The following RBM24 variants were observed in gnomAD, a reference collection of about 807,000 sequenced individuals.
RBM24 encodes the protein RNA binding motif protein 24.
In RBM24, 5 loss-of-function variants were observed where a neutral mutation model predicts 23.6. The observed-to-expected ratio is 0.21, with a 90% confidence interval of 0.11 to 0.45. The LOEUF is 0.45. RBM24 is among the 20% of genes least tolerant of loss of function. The pLI is 0.99. For missense variants in RBM24, 252 were observed against 314.6 expected (o/e 0.80, Z 1.51); for synonymous variants, 151 against 129.5 (o/e 1.17, Z -1.13).
At chr6:17,282,475 A>G in intron 1 of RBM24, 1 of 474,262 alleles carries the variant, frequency 2.1e-6, no homozygotes, top group African/African-American at 2.0e-5. Context: ...GATTCGGGGG[A>G]AGGAGGATCT....
intron 1 of RBM24, chr6:17,282,587 T>A (rs1450153508): frequency 1.7e-6 from 1 of 604,672 alleles, no homozygotes; most frequent in Non-Finnish European, 2.8e-6. Flanking sequence ...AGGGTTTCTT[T>A]CTTTTTTCCT....
intron 3 of RBM24, chr6:17,290,899 G>A: frequency 7.8e-7 from 1 of 1,287,370 alleles, no homozygotes; most frequent in Non-Finnish European, 1.0e-6. Context: ...AACAGGTTTG[G>A]TTGACCGTTG....
chr6:17,292,882 C>T lies in RBM24; in HGVS notation c.*763C>T, dbSNP rs1262703239. The T allele has an allele frequency of 2.0e-5, 3 of 152,512 alleles. No homozygotes were observed. Among genetic ancestry groups the T allele is most frequent in the South Asian group, 4.1e-4 (2 of 4,828 alleles). 9.4% of individuals were successfully genotyped at this position (152,512 alleles called of 1,614,324 possible). A position where few individuals can be genotyped will look rare whatever the true frequency, so the allele number is the denominator to read the frequency against. On this transcript the variant is annotated 3_prime_UTR_variant, in exon 4 of 4. Coordinates refer to ENST00000379052, the MANE Select transcript of RBM24 (RefSeq NM_001143942.2). Reference sequence around the variant, plus strand: ...GCTTGTCACATTCTAATCCCTCTCCCCATCCTGTTTCAATTTTGGGAAACT... The same window carrying T: ...GCTTGTCACATTCTAATCCCTCTCCTCATCCTGTTTCAATTTTGGGAAACT...
rs753859393 is a variant in RBM24 at position 17,292,109 on chromosome 6, G to A, written c.701G>A (p.Arg234Gln). Residue 234 changes from arginine to glutamine, a missense_variant, in exon 4 of 4, where the codon CGA becomes CAA. Coordinates refer to ENST00000379052, the MANE Select transcript of RBM24 (RefSeq NM_001143942.2). ...QYQPQQLQTDRMQ is the reference protein window; with the variant it reads ...QYQPQQLQTDQMQ Reference sequence around the variant, plus strand: ...CAGCCTCAGCAGCTGCAGACAGACCGAATGCAATAGACCAGCCATCTGATC... The same window carrying A: ...CAGCCTCAGCAGCTGCAGACAGACCAAATGCAATAGACCAGCCATCTGATC... 7.2e-6 allele frequency: 11 copies of A among 1,528,632 alleles called. No homozygotes were observed. The highest frequency in any genetic ancestry group is 2.8e-5 in the African/African-American group (2 of 72,366). The allele number at this position is 1,528,632 out of a possible 1,614,324, so 94.7% of individuals were successfully genotyped here. A position where few individuals can be genotyped will look rare whatever the true frequency, so the allele number is the denominator to read the frequency against.
Position 17,288,352 on chromosome 6 carries a change from C to G in RBM24, c.348-3404C>G. 3 of 985,348 alleles carry G rather than the reference C, an allele frequency of 3.0e-6. No individual in the cohort carries two copies. The South Asian group carries it at 1.4e-4, about 46-fold the overall frequency. 61.0% of individuals were successfully genotyped at this position (985,348 alleles called of 1,614,324 possible). On this transcript the variant is annotated intron_variant, in intron 3 of 3. Coordinates refer to ENST00000379052, the MANE Select transcript of RBM24 (RefSeq NM_001143942.2). ...ACAATGAGTGGGATTCAGAAGTCTT[C>G]GTGAAGGAAGTAGAAGTTGACCTAG...
chr6:17,284,592 T>G, intron 2 of RBM24, 65 bp from the exon 3 acceptor site: 1 of 1,234,518 alleles, frequency 8.1e-7, no homozygotes, highest in Non-Finnish European at 1.2e-6. Flanking sequence ...GATTGCATTT[T>G]ACATGTAGGA....
chr6:17,282,609 C>G (rs1760059913), intron 1 of RBM24, 196 bp from the exon 2 acceptor site: 7 of 2,600 alleles, frequency 2.7e-3, no homozygotes, highest in Non-Finnish European at 9.4e-3. Flanking sequence ...CGTCTACCCG[C>G]CCCCCCCCCC....
In RBM24 at chr6:17,292,237, C is replaced by A; in HGVS notation, c.*118C>A. The stretch of plus-strand genomic sequence containing the variant: ...AGCTTTAAAAAAAAAAACAGCCATG[C>A]TATTGTGAAGCAGAGTTATTATTTT... On this transcript the variant is annotated 3_prime_UTR_variant, in exon 4 of 4. Transcript: ENST00000379052. 3 of 973,046 alleles carry A rather than the reference C, an allele frequency of 3.1e-6. No homozygotes were observed. Among genetic ancestry groups the A allele is most frequent in the Non-Finnish European group, 4.4e-6 (3 of 687,382 alleles). 60.3% of individuals were successfully genotyped at this position (973,046 alleles called of 1,614,324 possible).
intron 3 of RBM24, among the ~76,000 whole-genome samples, chr6:17,287,379 A>G (rs765513271): frequency 6.6e-6 from 1 of 152,220 alleles, no homozygotes; most frequent in Admixed American, 6.5e-5. Flanking sequence ...GGAATTTCTG[A>G]TGTAGCACAG....
chr6:17,285,198 GT>G (rs777152569), intron 3 of RBM24: 2 of 152,344 alleles, frequency 1.3e-5, no homozygotes, highest in Non-Finnish European at 2.9e-5. Context: ...TGGTGTTGTT[GT>G]TTTTATTTTT....
rs552369365 is a variant in RBM24 at position 17,292,217 on chromosome 6, TA to T, written c.*109del. 9.6e-3 allele frequency: 8,222 copies of T among 853,428 alleles called. No homozygotes were observed. Among genetic ancestry groups the T allele is most frequent in the South Asian group, 0.015 (489 of 32,726 alleles). 52.9% of individuals were successfully genotyped at this position (853,428 alleles called of 1,614,324 possible). Reference sequence around the variant, plus strand: ...AGAGTTAACATTGACTTAACAGCTTTAAAAAAAAAAACAGCCATGCTATTGT... The same window carrying T: ...AGAGTTAACATTGACTTAACAGCTTTAAAAAAAAAACAGCCATGCTATTGT... On this transcript the variant is annotated 3_prime_UTR_variant, in exon 4 of 4. Coordinates refer to ENST00000379052, the MANE Select transcript of RBM24 (RefSeq NM_001143942.2).
At chr6:17,288,733 G>T in intron 3 of RBM24, 1 of 976,352 alleles carries the variant, frequency 1.0e-6, no homozygotes, top group Non-Finnish European at 1.2e-6. Context: ...TGTGAAGCTT[G>T]TCCAGGAAAC....
Position 17,292,241 on chromosome 6 carries a change from T to C in RBM24, c.*122T>C. The C allele has an allele frequency of 1.1e-6, 1 of 951,912 alleles. No individual in the cohort carries two copies. Among genetic ancestry groups the C allele is most frequent in the Middle Eastern group, 2.3e-4 (1 of 4,380 alleles). 59.0% of individuals were successfully genotyped at this position (951,912 alleles called of 1,614,324 possible). A position where few individuals can be genotyped will look rare whatever the true frequency, so the allele number is the denominator to read the frequency against. On this transcript the variant is annotated 3_prime_UTR_variant, in exon 4 of 4. Transcript: ENST00000379052. The stretch of plus-strand genomic sequence containing the variant: ...TTAAAAAAAAAAACAGCCATGCTAT[T>C]GTGAAGCAGAGTTATTATTTTTTTT...
intron 2 of RBM24, among the ~76,000 whole-genome samples, chr6:17,283,432 T>TTTGAGATGGAGTTTCG (rs1760093274): frequency 6.6e-6 from 1 of 152,176 alleles, no homozygotes; most frequent in African/African-American, 2.4e-5. Flanking sequence ...TTTGTTTTTT[T>TTTGAGATGGAGTTTCG]TTGAGATGGA....
chr6:17,289,658 G>T (rs981774595), intron 3 of RBM24: 1 of 985,250 alleles, frequency 1.0e-6, no homozygotes, highest in African/African-American at 1.7e-5. Flanking sequence ...AGTACAAGGG[G>T]TTAAGGTTTC....
In RBM24 at chr6:17,281,558, C is replaced by A; in HGVS notation, c.-24C>A. On this transcript the variant is annotated 5_prime_UTR_variant, in exon 1 of 4. Coordinates refer to ENST00000379052, the MANE Select transcript of RBM24 (RefSeq NM_001143942.2). This position sits in a 1 kb window ranked among gnomAD's most constrained non-coding sequence, Gnocchi z 7.1. Reference sequence around the variant, plus strand: ...CCCGAGCCGCAGCCGCAGCCGGAGCCCGAGCCGCGGGGCGGGTGCGAAGAT... The same window carrying A: ...CCCGAGCCGCAGCCGCAGCCGGAGCACGAGCCGCGGGGCGGGTGCGAAGAT... 1 of 1,485,810 alleles carries A rather than the reference C, an allele frequency of 6.7e-7. No homozygotes were observed. The highest frequency in any genetic ancestry group is 8.9e-7 in the Non-Finnish European group (1 of 1,118,236). The allele number at this position is 1,485,810 out of a possible 1,614,324, so 92.0% of individuals were successfully genotyped here.
chr6:17,283,440 G>A (rs193129472), intron 2 of RBM24, among the ~76,000 whole-genome samples: 1 of 151,974 alleles, frequency 6.6e-6, no homozygotes, highest in African/African-American at 2.4e-5. Flanking sequence ...TTTTTGAGAT[G>A]GAGTTTCGTT....
At chr6:17,291,543 A>C (rs1421735371) in intron 3 of RBM24, among the ~76,000 whole-genome samples, 1 of 152,032 alleles carries the variant, frequency 6.6e-6, no homozygotes, top group Non-Finnish European at 1.5e-5. Context: ...TCTAGCAGGG[A>C]GGGTGTCATC....
At chr6:17,282,967 A>AC in intron 2 of RBM24, 39 bp downstream of exon 2, 1 of 1,459,464 alleles carries the variant, frequency 6.9e-7, no homozygotes, top group Non-Finnish European at 9.6e-7. Context: ...CTCTCCAAGA[A>AC]CCCCCCATTT....
Sources: gnomAD v4.1 joint callset for allele counts (sites outside exome capture counted in the v4.1 genomes callset) on GRCh38, gnomAD v4.1.1 for gene constraint, Gnocchi (gnomAD v3.1) non-coding constraint, MANE v1.5 for transcripts, NCBI Gene and HGNC (gene_info 2026-07-23, HGNC 2026-07-21) for gene names.